Variants in TRPS1 observed in about 807,000 individuals in gnomAD.
The protein encoded by TRPS1 is transcriptional repressor GATA binding 1.
TRPS1 carries 6 observed loss-of-function variants against 101.2 expected under a neutral mutation model. The ratio of observed to expected loss-of-function variants is 0.06; its 90% CI spans 0.03 to 0.12. The LOEUF is 0.12. Among genes scored for constraint, TRPS1 ranks in the 10% least tolerant of loss-of-function variants. TRPS1 has a pLI of 1.00. For missense variants in TRPS1, 1,363 were observed against 1,567.0 expected, an observed-to-expected ratio of 0.87 and a Z score of 2.20; for synonymous variants, 578 against 589.8, an observed-to-expected ratio of 0.98 and a Z score of 0.29.
At chr8:115,491,896 T>C (rs1815031992) in intron 5 of TRPS1, among the ~76,000 whole-genome samples, 1 of 152,036 alleles carries the variant, frequency 6.6e-6, no homozygotes. Flanking sequence ...TACAAACGAG[T>C]TAATATAAAT....
At chr8:115,606,831 C>CAT (rs1818049522) in intron 3 of TRPS1, among the ~76,000 whole-genome samples, 1 of 137,106 alleles carries the variant, frequency 7.3e-6, no homozygotes, top group South Asian at 2.3e-4. Flanking sequence ...AAAAAAAATA[C>CAT]ATATATATAT....
chr8:115,562,876 C>CTGTGTGTGTGTGTGTGTGTG, intron 5 of TRPS1, among the ~76,000 whole-genome samples: 1 of 132,680 alleles, frequency 7.5e-6, no homozygotes, highest in African/African-American at 2.7e-5. Context: ...CCCACAGTGT[C>CTGTGTGTGTGTGTGTGTGTG]TGTGTGTGTG....
At chr8:115,492,941 T>G (rs1343808237) in intron 5 of TRPS1, among the ~76,000 whole-genome samples, 1 of 152,112 alleles carries the variant, frequency 6.6e-6, no homozygotes, top group African/African-American at 2.4e-5. Context: ...TTTTGAACAC[T>G]TGACCTCAAG....
At chr8:115,517,711 A>G (rs1040350274) in intron 5 of TRPS1, among the ~76,000 whole-genome samples, 4 of 151,752 alleles carry the variant, frequency 2.6e-5, no homozygotes, top group African/African-American at 9.7e-5. Context: ...TAAAGTTTAA[A>G]GCTCCAAATT....
chr8:115,465,609 T>C (rs966950346), intron 5 of TRPS1, among the ~76,000 whole-genome samples: 1 of 152,138 alleles, frequency 6.6e-6, no homozygotes, highest in African/African-American at 2.4e-5. Context: ...ACATATACTG[T>C]CCTAGGTAAT....
At chr8:115,514,747 C>A (rs1012812866) in intron 5 of TRPS1, among the ~76,000 whole-genome samples, 1 of 151,190 alleles carries the variant, frequency 6.6e-6, no homozygotes, top group Non-Finnish European at 1.5e-5. Context: ...ATACTTCAAT[C>A]GTTCAAATAA....
intron 2 of TRPS1, among the ~76,000 whole-genome samples, chr8:115,620,998 G>A (rs887225728): frequency 1.9e-4 from 29 of 152,176 alleles, no homozygotes; most frequent in African/African-American, 7.0e-4. Context: ...GTTTGCTATG[G>A]TTCACCTTTA....
At chr8:115,513,412 T>C (rs1457782335) in intron 5 of TRPS1, among the ~76,000 whole-genome samples, 1 of 151,690 alleles carries the variant, frequency 6.6e-6, no homozygotes, top group East Asian at 1.9e-4. Context: ...GGTTTGCAAT[T>C]AGGTGCTCAT....
chr8:115,576,611 G>C (rs1817325441), intron 5 of TRPS1, among the ~76,000 whole-genome samples: 1 of 151,974 alleles, frequency 6.6e-6, no homozygotes, highest in Admixed American at 6.6e-5. Context: ...CCAATCCAGA[G>C]CACTTTCCAC....
At chr8:115,451,749 C>T (rs545903934) in intron 5 of TRPS1, among the ~76,000 whole-genome samples, 138 of 152,282 alleles carry the variant, frequency 9.1e-4, no homozygotes, top group Non-Finnish European at 1.9e-3. Context: ...CGTTTGTTTT[C>T]ACCTCACCAT....
chr8:115,641,209 C>T (rs1818887146), intron 1 of TRPS1, among the ~76,000 whole-genome samples: 1 of 152,202 alleles, frequency 6.6e-6, no homozygotes, highest in Non-Finnish European at 1.5e-5. Context: ...ATGGGAATTG[C>T]TCTTTTCCTG....
At chr8:115,631,090 C>T (rs1818631383) in intron 1 of TRPS1, among the ~76,000 whole-genome samples, 1 of 152,124 alleles carries the variant, frequency 6.6e-6, no homozygotes, top group East Asian at 1.9e-4. Flanking sequence ...TAACACATCA[C>T]CAACATTACC....
At chr8:115,557,416 C>T (rs1161820698) in intron 5 of TRPS1, among the ~76,000 whole-genome samples, 2 of 152,138 alleles carry the variant, frequency 1.3e-5, no homozygotes, top group African/African-American at 4.8e-5. Flanking sequence ...CCACTCTAAT[C>T]TCATCTTGAA....
intron 5 of TRPS1, among the ~76,000 whole-genome samples, chr8:115,562,182 G>A (rs3808446): frequency 0.69 from 104,979 of 151,808 alleles, 37,709 homozygotes; most frequent in African/African-American, 0.89. Flanking sequence ...TTAAAAAATA[G>A]ACCAATGATA....
chr8:115,466,701 G>A (rs939678932), intron 5 of TRPS1, among the ~76,000 whole-genome samples: 3 of 152,138 alleles, frequency 2.0e-5, no homozygotes, highest in Admixed American at 2.0e-4. Context: ...AGCCATTTGA[G>A]TAGGGACTGC....
At chr8:115,511,727 A>G (rs1815589006) in intron 5 of TRPS1, among the ~76,000 whole-genome samples, 1 of 151,908 alleles carries the variant, frequency 6.6e-6, no homozygotes, top group South Asian at 2.1e-4. Context: ...ATTCAACTAC[A>G]ATAAATCTAA....
At chr8:115,565,543 AT>A (rs1172310074) in intron 5 of TRPS1, among the ~76,000 whole-genome samples, 6 of 150,416 alleles carry the variant, frequency 4.0e-5, no homozygotes, top group Non-Finnish European at 7.4e-5. Context: ...TTTTGATTTT[AT>A]TTTCCATTTG....
At chr8:115,466,658 A>AG (rs1019905091) in intron 5 of TRPS1, among the ~76,000 whole-genome samples, 2 of 152,032 alleles carry the variant, frequency 1.3e-5, no homozygotes, top group Admixed American at 6.6e-5. Context: ...ATAAAAGAGA[A>AG]GGGGGGCGGG....
intron 1 of TRPS1, among the ~76,000 whole-genome samples, chr8:115,633,994 T>G (rs776848337): frequency 2.6e-5 from 4 of 151,262 alleles, no homozygotes; most frequent in Non-Finnish European, 5.9e-5. Context: ...TAATGTGTAC[T>G]AGCAACTAAC....
Sources: gnomAD v4.1 joint callset for allele counts (sites outside exome capture counted in the v4.1 genomes callset) on GRCh38, gnomAD v4.1.1 for gene constraint, MANE v1.5 for transcripts, NCBI Gene and HGNC (gene_info 2026-07-23, HGNC 2026-07-21) for gene names.